Variants in CACNA1G observed in about 807,000 individuals in gnomAD.
CACNA1G encodes the protein voltage-dependent T-type calcium channel subunit alpha-1G.
CACNA1G carries 67 observed loss-of-function variants against 219.4 expected under a neutral mutation model. The ratio of observed to expected loss-of-function variants is 0.31; its 90% CI spans 0.25 to 0.37. The LOEUF is 0.37. CACNA1G is among the 10% of genes least tolerant of loss of function. The pLI is 1.00. For synonymous variants in CACNA1G, 1,296 were observed against 1,345.3 expected (o/e 0.96, Z 0.80); for missense variants, 2,380 against 3,231.4 (o/e 0.74, Z 6.39).
chr17:50,613,702 C>T (rs891050953), intron 26 of CACNA1G, among the ~76,000 whole-genome samples: 1 of 152,214 alleles, frequency 6.6e-6, no homozygotes, highest in African/African-American at 2.4e-5. Flanking sequence ...ATAATGGGAT[C>T]GGGTGCTCTC....
rs369485199 is a variant in CACNA1G, at chr17:50,601,420, T to C, written c.3915+246T>C. 3.9e-4 allele frequency among the ~76,000 whole-genome samples: 60 copies of C among 152,288 alleles called. 1 individual carries two copies. The South Asian group carries it at 6.4e-3, about 16-fold the overall frequency. Reference sequence around the variant, plus strand: ...GGGTGCTTTGTCTCATTCCAGGCTATTTCTCATGAGCCAGAGCCTTGTGGG... The same window carrying C: ...GGGTGCTTTGTCTCATTCCAGGCTACTTCTCATGAGCCAGAGCCTTGTGGG... On this transcript the variant is annotated intron_variant, in intron 19 of 37. Coordinates refer to ENST00000359106, the MANE Select transcript of CACNA1G (RefSeq NM_018896.5).
At position 50,578,608 on chromosome 17, in the gene CACNA1G, G is replaced by T; in HGVS notation, c.2301+44G>T. On this transcript the variant is annotated intron_variant, in intron 9 of 37. Transcript: ENST00000359106. This position sits in a 1 kb window ranked among gnomAD's most constrained non-coding sequence, Gnocchi z 4.5. ...GCAGGGCTCCTGCCAGCTGCTTTTC[G>T]CCTGGGGCTGGGGCCTTCTACCTCC... 1.3e-6 allele frequency: 2 copies of T among 1,515,068 alleles called. No homozygotes were observed. Among genetic ancestry groups the T allele is most frequent in the African/African-American group, 1.4e-5 (1 of 71,732 alleles). The allele number at this position is 1,515,068 out of a possible 1,614,324, so 93.9% of individuals were successfully genotyped here.
In CACNA1G at chr17:50,627,288, A is replaced by G. The variant is rs1300800956; in HGVS notation, c.*537A>G. ...CCATCTTCAGCGGAGAGCGAGAACCATTTTGGAAACTGTAATGTAACTTAT... is the reference window on the plus strand; with the variant it reads ...CCATCTTCAGCGGAGAGCGAGAACCGTTTTGGAAACTGTAATGTAACTTAT... On this transcript the variant is annotated 3_prime_UTR_variant, in exon 38 of 38. Transcript: ENST00000359106. 2 of 449,186 alleles carry G rather than the reference A, an allele frequency of 4.5e-6. No homozygotes were observed. The highest frequency in any genetic ancestry group is 2.4e-5 in the Admixed American group (1 of 42,248). 27.8% of individuals were successfully genotyped at this position (449,186 alleles called of 1,614,324 possible).
In CACNA1G at chr17:50,618,559, A is replaced by T; in HGVS notation, c.5428-96A>T. The T allele has an allele frequency of 9.2e-7, 1 of 1,084,878 alleles. No homozygotes were observed. The allele number at this position is 1,084,878 out of a possible 1,614,324, so 67.2% of individuals were successfully genotyped here. ...CTCCCTCCTCCTCCCCTTCCTTCCC[A>T]TCCTCCAATGCTCTGTGACACCAGT... On this transcript the variant is annotated intron_variant, in intron 32 of 37. Transcript: ENST00000359106. The surrounding 1 kb of genome is among the most constrained non-coding windows in gnomAD (Gnocchi z 5.3).
At chr17:50,594,664 C>A (rs550767859) in intron 13 of CACNA1G, among the ~76,000 whole-genome samples, 9 of 152,308 alleles carry the variant, frequency 5.9e-5, no homozygotes, top group African/African-American at 2.2e-4. Flanking sequence ...AGGAAGCCAG[C>A]TGGTGTTAAG....
rs147741844 is a variant in CACNA1G at position 50,578,287 on chromosome 17, C to G, written c.2024C>G (p.Ala675Gly). Residue 675 changes from alanine to glycine, a missense_variant, in exon 9 of 38, where the codon GCA (alanine) becomes GGA (glycine). By Grantham distance (60) the Ala-to-Gly change is moderately conservative. Coordinates refer to ENST00000359106, the MANE Select transcript of CACNA1G (RefSeq NM_018896.5). This position sits in a 1 kb window ranked among gnomAD's most constrained non-coding sequence, Gnocchi z 4.5. ...DSCPYCARAG[A>G]GEVELADREM... Reference sequence around the variant, plus strand: ...TGCCCCTACTGTGCCCGGGCCGGGGCAGGGGAGGTGGAGCTCGCCGACCGT... The same window carrying G: ...TGCCCCTACTGTGCCCGGGCCGGGGGAGGGGAGGTGGAGCTCGCCGACCGT... 2.5e-6 allele frequency: 4 copies of G among 1,612,904 alleles called. No homozygotes were observed. The highest frequency in any genetic ancestry group is 2.5e-6 in the Non-Finnish European group (3 of 1,179,806).
chr17:50,618,268 C>T lies in CACNA1G; in HGVS notation c.5352C>T (p.Thr1784=). The part of the protein sequence containing the change: ...HPCEGLGRHA[T]FRNFGMAFLT... ...GTGAGGGCCTGGGCCGTCATGCCAC[C>T]TTTCGGAACTTTGGCATGGCCTTCC... is the stretch of plus-strand genomic sequence containing the variant. The change falls in exon 32 of 38, where the codon ACC becomes ACT. Residue 1784 remains threonine (T), a synonymous_variant. Transcript: ENST00000359106. This position sits in a 1 kb window ranked among gnomAD's most constrained non-coding sequence, Gnocchi z 5.3. The T allele has an allele frequency of 6.2e-7, 1 of 1,613,896 alleles. No homozygotes were observed. Among genetic ancestry groups the T allele is most frequent in the East Asian group, 2.2e-5 (1 of 44,878 alleles).
chr17:50,584,065 G>A (rs1022063443), intron 9 of CACNA1G, among the ~76,000 whole-genome samples: 42 of 152,290 alleles, frequency 2.8e-4, no homozygotes, highest in African/African-American at 5.3e-4. Context: ...GCAGAATCCC[G>A]AGCATGATGG....
intron 1 of CACNA1G, chr17:50,562,135 G>T (rs2035950226): frequency 6.7e-6 from 1 of 149,832 alleles, no homozygotes; most frequent in Non-Finnish European, 1.5e-5. Context: ...GGGGGTGGGT[G>T]GGGGCGGTGG....
chr17:50,618,628 C>T lies in CACNA1G; in HGVS notation c.5428-27C>T. ...AGCTCCAACAACTGTCCTCCCCAGC[C>T]TCACCCCTCTATTCCACCCTCCCCA... On this transcript the variant is annotated intron_variant, in intron 32 of 37. Transcript: ENST00000359106. The surrounding 1 kb of genome is among the most constrained non-coding windows in gnomAD (Gnocchi z 5.3). 1 of 1,547,952 alleles carries T rather than the reference C, an allele frequency of 6.5e-7. No homozygotes were observed. The highest frequency in any genetic ancestry group is 8.9e-7 in the Non-Finnish European group (1 of 1,122,724).
rs374816538 is a variant in CACNA1G, at chr17:50,585,525, T to A, written c.2302-4946T>A. ...TAAGCGTAGAATGAACTCTGAGGAA[T>A]GTTGCCCTGAGGGCAGAGAGGCAGT... On this transcript the variant is annotated intron_variant, in intron 9 of 37. Transcript: ENST00000359106. Among the ~76,000 whole-genome samples, 188 of 152,280 alleles carry A rather than the reference T, an allele frequency of 1.2e-3. 1 individual carries two copies. The highest frequency in any genetic ancestry group is 4.4e-3 in the African/African-American group (184 of 41,554).
At chr17:50,616,212 CG>C in intron 27 of CACNA1G, 62 bp from the exon 28 acceptor site, 6 of 968,802 alleles carry the variant, frequency 6.2e-6, no homozygotes, top group Non-Finnish European at 8.2e-6. Flanking sequence ...GATGGAGGGG[CG>C]GGGGGACAAG....
chr17:50,589,912 CTGTGTGTGTGTGTG>C (rs58484176), intron 9 of CACNA1G, among the ~76,000 whole-genome samples: 9 of 141,924 alleles, frequency 6.3e-5, no homozygotes, highest in South Asian at 2.2e-4. Context: ...CTCTCTCTCT[CTGTGTGTGTGTGTG>C]TGTGTGTGTG....
intron 25 of CACNA1G, among the ~76,000 whole-genome samples, chr17:50,608,257 A>T (rs898109278): frequency 6.6e-6 from 1 of 151,922 alleles, no homozygotes; most frequent in Non-Finnish European, 1.5e-5. Context: ...GCCTCCCAGG[A>T]CCTCAGCATC....
rs774433052 is a variant in CACNA1G at position 50,590,510 on chromosome 17, G to A, written c.2341G>A (p.Val781Ile). 8.5e-5 allele frequency: 137 copies of A among 1,613,790 alleles called. No homozygotes were observed. Among genetic ancestry groups the A allele is most frequent in the Admixed American group, 1.3e-4 (8 of 59,998 alleles). ...CAACGCCCTAGAAATCAGCAACATC[G>A]TCTTCACCAGCCTCTTTGCCCTGGA... ...LTNALEISNI[V>I]FTSLFALEML... Residue 781 changes from valine (V) to isoleucine (I), a missense_variant, in exon 10 of 38, where the codon GTC (valine) becomes ATC (isoleucine). Transcript: ENST00000359106.
chr17:50,579,228 G>T (rs1386562884), intron 9 of CACNA1G, among the ~76,000 whole-genome samples: 3 of 152,194 alleles, frequency 2.0e-5, no homozygotes, highest in African/African-American at 7.2e-5. Context: ...AGGAGCAAGG[G>T]CTCAGCAGGG....
At chr17:50,625,896 T>C (rs996491294) in intron 37 of CACNA1G, 121 bp from the exon 38 acceptor site, 12 of 1,113,690 alleles carry the variant, frequency 1.1e-5, no homozygotes, top group Non-Finnish European at 1.5e-5. Context: ...CCAGGACCTC[T>C]GCTTAGGATA....
At chr17:50,609,028 CTTCACCTT>C (rs1049616405) in intron 25 of CACNA1G, among the ~76,000 whole-genome samples, 4 of 152,182 alleles carry the variant, frequency 2.6e-5, no homozygotes, top group African/African-American at 9.7e-5. Flanking sequence ...CCCATGCTCT[CTTCACCTT>C]TTCACAAATC....
intron 1 of CACNA1G, among the ~76,000 whole-genome samples, chr17:50,564,280 T>C (rs1455793337): frequency 6.6e-6 from 1 of 151,540 alleles, no homozygotes; most frequent in Non-Finnish European, 1.5e-5. Flanking sequence ...CTTTCCAGTA[T>C]GTGTTCCTGC....
Sources: gnomAD v4.1 joint callset for allele counts (sites outside exome capture counted in the v4.1 genomes callset) on GRCh38, gnomAD v4.1.1 for gene constraint, Gnocchi (gnomAD v3.1) non-coding constraint, MANE v1.5 for transcripts, NCBI Gene and HGNC (gene_info 2026-07-23, HGNC 2026-07-21) for gene names.